CCDC194: variants seen among roughly 807,000 people sequenced by gnomAD.
CCDC194 encodes coiled-coil domain-containing protein 194.
A neutral mutation model predicts 4.9 loss-of-function variants in CCDC194; 8 were observed. The ratio of observed to expected loss-of-function variants is 1.65; its 90% CI spans 0.97 to 2.97. CCDC194 has a LOEUF of 2.97. CCDC194 is among the 30% of genes most tolerant of loss of function. CCDC194 has a pLI of 0.00. For synonymous variants in CCDC194, 13 were observed against 17.0 expected (o/e 0.76, Z 0.58); for missense variants, 52 against 43.1 (o/e 1.21, Z -0.58).
chr19:17,391,821 G>T (rs1310839888), exon 2 of CCDC194: 1 of 1,534,546 alleles, frequency 6.5e-7, no homozygotes. Context: ...AATCTTCAGT[G>T]TCGTTAGTTG....
chr19:17,391,336 C>CATTAAAAAA, exon 3 of CCDC194: 1 of 440,868 alleles, frequency 2.3e-6, no homozygotes, highest in Non-Finnish European at 4.0e-6. Flanking sequence ...CCCAGCGCGC[C>CATTAAAAAA]AGGGCCTCTG....
intron 1 of CCDC194, among the ~76,000 whole-genome samples, chr19:17,393,267 G>T (rs758780203): frequency 3.3e-5 from 5 of 152,122 alleles, no homozygotes; most frequent in Non-Finnish European, 7.3e-5. Flanking sequence ...AAATAGGGCT[G>T]CTGGAAACTG....
chr19:17,391,906 C>A (rs550214865), intron 1 of CCDC194, 60 bp from the exon 2 acceptor site: 12 of 1,422,530 alleles, frequency 8.4e-6, no homozygotes, highest in Non-Finnish European at 1.1e-5. Context: ...AGTGATTCGG[C>A]CTGGCCCTTT....
At chr19:17,393,203 C>G (rs906036612) in intron 1 of CCDC194, among the ~76,000 whole-genome samples, 1 of 152,078 alleles carries the variant, frequency 6.6e-6, no homozygotes, top group Non-Finnish European at 1.5e-5. Flanking sequence ...GTACCTCCCC[C>G]AAGAGGCCAA....
At chr19:17,389,929 C>G (rs971035485), downstream of CCDC194, among the ~76,000 whole-genome samples, 2 of 152,202 alleles carry the variant, frequency 1.3e-5, no homozygotes, top group Admixed American at 6.5e-5. Context: ...TGTGCCACTG[C>G]ACTCCAGCCT....
rs1599588877 is a variant in CCDC194 at position 17,393,827 on chromosome 19, C to T, written c.324+8G>A. On this transcript the variant is annotated splice_region_variant and intron_variant, in intron 1 of 3. Coordinates refer to ENST00000636079, the Ensembl canonical transcript of CCDC194. Reference sequence around the variant, plus strand: ...TTCCCGAGCTCCCCCTCTACCCGGCCCACCTACCTGGCGGCCTTCACAGGC... The same window carrying T: ...TTCCCGAGCTCCCCCTCTACCCGGCTCACCTACCTGGCGGCCTTCACAGGC... 2.5e-6 allele frequency: 1 copy of T among 396,688 alleles called. No homozygotes were observed. Among genetic ancestry groups the T allele is most frequent in the East Asian group, 3.6e-5 (1 of 27,874 alleles). The allele number at this position is 396,688 out of a possible 1,614,324, so 24.6% of individuals were successfully genotyped here.
At chr19:17,394,190 C>T (rs2074666059), upstream of CCDC194, 2 of 389,840 alleles carry the variant, frequency 5.1e-6, no homozygotes, top group East Asian at 3.7e-5. Flanking sequence ...CCCAGACGGC[C>T]ACGAATATTT....
chr19:17,391,580 T>C (rs2074654879), intron 2 of CCDC194, 170 bp downstream of exon 2: 1 of 1,464,050 alleles, frequency 6.8e-7, no homozygotes, highest in East Asian at 2.5e-5. Flanking sequence ...TGCCTTGTTT[T>C]TGTGACATTT....
In CCDC194 at chr19:17,391,295, AGCCGCCGCGTAGACTCCGTG is replaced by A; in HGVS notation, c.450_469del (p.Thr151GlyfsTer29). The A allele has an allele frequency of 7.1e-6, 3 of 421,602 alleles. No individual in the cohort carries two copies. In the Admixed American group the frequency reaches 1.3e-4, roughly 18 times the overall value. 26.1% of individuals were successfully genotyped at this position (421,602 alleles called of 1,614,324 possible). On this transcript the variant is annotated frameshift_variant, in exon 3 of 4. Transcript: ENST00000636079. LOFTEE classifies it high-confidence loss of function. The stretch of plus-strand genomic sequence containing the variant: ...GCCTGCGCGCCGCAGAGCCTCGTCC[AGCCGCCGCGTAGACTCCGTG>A]GCCGCCGCCTCCCAGCGCGCCAGGG...
At chr19:17,388,730 A>T, downstream of CCDC194, among the ~76,000 whole-genome samples, 1 of 151,826 alleles carries the variant, frequency 6.6e-6, no homozygotes, top group Non-Finnish European at 1.5e-5. Flanking sequence ...CTTGAACTTC[A>T]GGGCTCAAGA....
chr19:17,390,387 C>T, downstream of CCDC194: 1 of 382,612 alleles, frequency 2.6e-6, no homozygotes. This position sits in a 1 kb window ranked among gnomAD's most constrained non-coding sequence, Gnocchi z 5.5. Context: ...CCGTTCAGGA[C>T]GTCTCCAGGG....
chr19:17,390,461 C>G (rs1267412802), downstream of CCDC194: 1 of 391,796 alleles, frequency 2.6e-6, no homozygotes, highest in Non-Finnish European at 4.5e-6. This position sits in a 1 kb window ranked among gnomAD's most constrained non-coding sequence, Gnocchi z 5.5. Context: ...AGACCCCCCC[C>G]CCATATGTGT....
intron 1 of CCDC194, 103 bp from the exon 2 acceptor site, chr19:17,391,949 G>T: frequency 9.1e-7 from 1 of 1,096,974 alleles, no homozygotes; most frequent in Non-Finnish European, 1.2e-6. Context: ...GCGACCCTGT[G>T]TCCTGAGCTT....
chr19:17,390,622 C>G lies in CCDC194; in HGVS notation c.592G>C (p.Val198Leu). ...CCCGAGCGGGGACGCGGCCGGGGCA[C>G]TCTGCGCTGTGGGCTCATCTCGGCT... is the stretch of plus-strand genomic sequence containing the variant. Residue 198 changes from valine (V) to leucine (L), a missense_variant, in exon 4 of 4, where the codon GTG (valine) becomes CTG (leucine). Transcript: ENST00000636079. This position sits in a 1 kb window ranked among gnomAD's most constrained non-coding sequence, Gnocchi z 5.5. 2.5e-6 allele frequency: 1 copy of G among 398,080 alleles called. No individual in the cohort carries two copies. Among genetic ancestry groups the G allele is most frequent in the Non-Finnish European group, 4.4e-6 (1 of 225,698 alleles). 24.7% of individuals were successfully genotyped at this position (398,080 alleles called of 1,614,324 possible).
rs143179059 is a variant in CCDC194, at chr19:17,392,866, G to A, written c.324+969C>T. On this transcript the variant is annotated intron_variant, in intron 1 of 3. Coordinates refer to ENST00000636079, the Ensembl canonical transcript of CCDC194. The stretch of plus-strand genomic sequence containing the variant: ...CTGGCTAATTTTTGTATTTTTAGTA[G>A]AGACGGGTTTTCACCACATTGGCCA... Among the ~76,000 whole-genome samples the A allele has an allele frequency of 7.7e-4, 118 of 152,292 alleles. No homozygotes were observed. In the East Asian group the frequency reaches 0.02, roughly 26 times the overall value.
chr19:17,391,833 G>A, exon 2 of CCDC194: 2 of 1,532,244 alleles, frequency 1.3e-6, no homozygotes, highest in Non-Finnish European at 1.7e-6. Flanking sequence ...CGTTAGTTGG[G>A]TCTGAAGCCG....
chr19:17,391,252 G>T (rs2074653468), exon 3 of CCDC194: 1 of 405,334 alleles, frequency 2.5e-6, no homozygotes, highest in Non-Finnish European at 4.3e-6. Context: ...CACAGGCTTC[G>T]CCCTCGGCCT....
downstream of CCDC194, among the ~76,000 whole-genome samples, chr19:17,387,829 G>C (rs2074641093): frequency 6.6e-6 from 1 of 152,128 alleles, no homozygotes; most frequent in Non-Finnish European, 1.5e-5. Context: ...AATGGTGGTT[G>C]CATAGCGTTC....
chr19:17,388,837 T>A (rs2074644677), downstream of CCDC194, among the ~76,000 whole-genome samples: 1 of 151,734 alleles, frequency 6.6e-6, no homozygotes, highest in Admixed American at 6.6e-5. Flanking sequence ...AGCTTTAATT[T>A]TTCATGTTTA....
Sources: gnomAD v4.1 joint callset for allele counts (sites outside exome capture counted in the v4.1 genomes callset) on GRCh38, gnomAD v4.1.1 for gene constraint, Gnocchi (gnomAD v3.1) non-coding constraint, MANE v1.5 for transcripts, NCBI Gene and HGNC (gene_info 2026-07-23, HGNC 2026-07-21) for gene names.